Variants in KCNT2 observed in about 807,000 individuals in gnomAD.
KCNT2 encodes the protein potassium channel subfamily T member 2.
Under a neutral mutation model 153.8 loss-of-function variants are expected in KCNT2, and 67 were observed. That is an observed-to-expected ratio of 0.44 (90% confidence interval 0.36 to 0.53). The LOEUF (loss-of-function observed/expected upper bound fraction) is 0.53, where lower values mean the gene tolerates loss of function less well. Among genes scored for constraint, KCNT2 ranks in the 20% least tolerant of loss-of-function variants. The pLI, the probability that KCNT2 is intolerant of heterozygous loss-of-function variation, is 0.00. For missense variants in KCNT2, 975 were observed against 1,354.8 expected (o/e 0.72, Z 4.40); for synonymous variants, 500 against 458.8 (o/e 1.09, Z -1.15).
chr1:196,474,400 C>T (rs1231271242), intron 5 of KCNT2, among the ~76,000 whole-genome samples: 1 of 152,050 alleles, frequency 6.6e-6, no homozygotes, highest in Non-Finnish European at 1.5e-5. Context: ...AAAATAGTGT[C>T]GTAACGCTAT....
At chr1:196,278,457 C>T (rs979317985) in intron 25 of KCNT2, among the ~76,000 whole-genome samples, 7 of 151,966 alleles carry the variant, frequency 4.6e-5, no homozygotes, top group Non-Finnish European at 8.8e-5. Context: ...TTTATCATCC[C>T]AATGATATAT....
Position 196,440,907 on chromosome 1 carries a change from T to C in KCNT2, c.639-11150A>G, listed in dbSNP as rs146668354. ...CTCTTTTACTGAGTTCCTACAAATC[T>C]GAACCTTGAGAACTCCTGACAAAGT... On this transcript the variant is annotated intron_variant, in intron 8 of 27. Transcript: ENST00000294725. 3.0e-3 allele frequency among the ~76,000 whole-genome samples: 452 copies of C among 151,932 alleles called. 1 individual carries two copies. The highest frequency in any genetic ancestry group is 1.0e-2 in the African/African-American group (413 of 41,498).
At position 196,228,235 on chromosome 1, in the gene KCNT2, T is replaced by C; in HGVS notation, c.3397A>G (p.Thr1133Ala). The change falls in exon 28 of 28, where the codon ACT (threonine) becomes GCT (alanine). Residue 1133 changes from threonine to alanine, a missense_variant. Thr to Ala is a moderately conservative substitution (Grantham distance 58). This residue lies in a region of KCNT2 where 241 missense variants were observed against 271.1 expected (regional missense o/e 0.89). Transcript: ENST00000294725. ...TCATTTTATTTTTATCAAAGTTGAGTTTCCTCCCGAGAATCTTGACCAGTG... is the reference window on the plus strand; with the variant it reads ...TCATTTTATTTTTATCAAAGTTGAGCTTCCTCCCGAGAATCTTGACCAGTG... Reference protein sequence around the residue: ...NVTGQDSREETQL With the variant: ...NVTGQDSREEAQL The C allele has an allele frequency of 1.2e-6, 2 of 1,602,092 alleles. No individual in the cohort carries two copies. The highest frequency in any genetic ancestry group is 1.7e-6 in the Non-Finnish European group (2 of 1,170,708).
intron 1 of KCNT2, among the ~76,000 whole-genome samples, chr1:196,557,352 C>CT (rs1658815522): frequency 6.6e-6 from 1 of 151,216 alleles, no homozygotes; most frequent in African/African-American, 2.4e-5. Context: ...CAAAATTCAA[C>CT]TTTTCTAGAA....
intron 1 of KCNT2, among the ~76,000 whole-genome samples, chr1:196,541,884 A>C (rs1343231403): frequency 6.6e-6 from 1 of 152,068 alleles, no homozygotes; most frequent in Non-Finnish European, 1.5e-5. Flanking sequence ...CCACCTATTC[A>C]ATTATTAAAT....
At chr1:196,487,434 G>GTGTGTGTA (rs57607321) in intron 3 of KCNT2, among the ~76,000 whole-genome samples, 2 of 148,688 alleles carry the variant, frequency 1.3e-5, no homozygotes, top group Non-Finnish European at 3.0e-5. Flanking sequence ...GTGTGTGTGT[G>GTGTGTGTA]TATGTATGTG....
At chr1:196,310,067 C>T (rs566507471) in intron 21 of KCNT2, among the ~76,000 whole-genome samples, 16 of 151,828 alleles carry the variant, frequency 1.1e-4, no homozygotes, top group African/African-American at 3.9e-4. Flanking sequence ...TATTCTATTT[C>T]ACAGGCTACT....
chr1:196,398,936 A>G (rs559746282), intron 12 of KCNT2, among the ~76,000 whole-genome samples: 4 of 151,876 alleles, frequency 2.6e-5, no homozygotes, highest in Non-Finnish European at 5.9e-5. Flanking sequence ...TAATTTTCCT[A>G]GAAAATTTCT....
At chr1:196,462,758 A>G (rs1677260659) in intron 8 of KCNT2, among the ~76,000 whole-genome samples, 1 of 151,810 alleles carries the variant, frequency 6.6e-6, no homozygotes, top group African/African-American at 2.4e-5. Flanking sequence ...GCTCTAAACT[A>G]GGATAACCCT....
At chr1:196,335,361 C>T (rs554134575) in intron 16 of KCNT2, among the ~76,000 whole-genome samples, 37 of 152,156 alleles carry the variant, frequency 2.4e-4, no homozygotes, top group Admixed American at 6.5e-4. Context: ...GGTACATAGG[C>T]TATATGGTAT....
In KCNT2 at chr1:196,375,137, T is replaced by G. The variant is rs1389912722; in HGVS notation, c.1295-1889A>C. 2.6e-5 allele frequency among the ~76,000 whole-genome samples: 4 copies of G among 151,942 alleles called. No homozygotes were observed. The East Asian group carries it at 7.7e-4, about 29-fold the overall frequency. The stretch of plus-strand genomic sequence containing the variant: ...CTTTTCTTCAATAAATGTGTGCATC[T>G]GAGTTTGGGGGGCAATGGCTGTGGG... On this transcript the variant is annotated intron_variant, in intron 13 of 27. Transcript: ENST00000294725.
rs574782852 is a variant in KCNT2 at position 196,258,832 on chromosome 1, C to T, written c.2911-338G>A. On this transcript the variant is annotated intron_variant, in intron 25 of 27. Transcript: ENST00000294725. Reference sequence around the variant, plus strand: ...GTTGTTTGAAACATACAAAACCAGACATTTTACAACTTTATCCAAATAAAA... The same window carrying T: ...GTTGTTTGAAACATACAAAACCAGATATTTTACAACTTTATCCAAATAAAA... 6.6e-5 allele frequency among the ~76,000 whole-genome samples: 10 copies of T among 152,150 alleles called. No individual in the cohort carries two copies. In the South Asian group the frequency reaches 2.1e-3, roughly 32 times the overall value.
At chr1:196,363,910 T>G (rs1667828950) in intron 14 of KCNT2, among the ~76,000 whole-genome samples, 1 of 152,152 alleles carries the variant, frequency 6.6e-6, no homozygotes, top group African/African-American at 2.4e-5. Context: ...CAAACATACA[T>G]AGAGGCACAT....
intron 1 of KCNT2, among the ~76,000 whole-genome samples, chr1:196,498,347 T>C (rs1354726781): frequency 6.6e-6 from 1 of 152,178 alleles, no homozygotes; most frequent in Admixed American, 6.5e-5. Flanking sequence ...ATAGTCTCTT[T>C]TAAATCTTAC....
chr1:196,498,511 G>A (rs6675592), intron 1 of KCNT2, among the ~76,000 whole-genome samples: 122,655 of 152,056 alleles, frequency 0.81, 51,695 homozygotes, highest in East Asian at 0.97. Flanking sequence ...TCAAACAAGG[G>A]ATTATCTGCC....
At chr1:196,544,358 A>G (rs1362019169) in intron 1 of KCNT2, among the ~76,000 whole-genome samples, 1 of 151,966 alleles carries the variant, frequency 6.6e-6, no homozygotes, top group Non-Finnish European at 1.5e-5. Context: ...GGAAAAAGAA[A>G]ACCCACCTAA....
intron 21 of KCNT2, among the ~76,000 whole-genome samples, chr1:196,313,683 G>C (rs1040143864): frequency 6.6e-6 from 1 of 151,308 alleles, no homozygotes; most frequent in Admixed American, 6.6e-5. Context: ...CAAAAAAAAA[G>C]TTTCATATAA....
intron 16 of KCNT2, among the ~76,000 whole-genome samples, chr1:196,335,733 G>T (rs7554267): frequency 0.24 from 36,194 of 151,884 alleles, 5,459 homozygotes; most frequent in East Asian, 0.59. Flanking sequence ...TTTAGACCTT[G>T]TTATAACCAA....
intron 1 of KCNT2, among the ~76,000 whole-genome samples, chr1:196,493,600 G>C (rs1357667867): frequency 6.6e-6 from 1 of 151,838 alleles, no homozygotes; most frequent in Admixed American, 6.6e-5. Context: ...TGTGCAGAAC[G>C]TGCAGGTTTG....
Sources: gnomAD v4.1 joint callset for allele counts (sites outside exome capture counted in the v4.1 genomes callset) on GRCh38, gnomAD v4.1.1 for gene constraint, gnomAD v4.1.1 regional missense constraint, MANE v1.5 for transcripts, NCBI Gene and HGNC (gene_info 2026-07-23, HGNC 2026-07-21) for gene names.